SH3GL3: variants seen among roughly 807,000 people sequenced by gnomAD.
SH3GL3 encodes the protein SH3 domain containing GRB2 like 3, endophilin A3, also known as endophilin-A3.
SH3GL3 carries 33 observed loss-of-function variants against 47.7 expected under a neutral mutation model. That is an observed-to-expected ratio of 0.69 (90% CI 0.52 to 0.92). SH3GL3 has a LOEUF of 0.92. SH3GL3 is among the 40% of genes least tolerant of loss of function. The pLI, the probability that SH3GL3 is intolerant of heterozygous loss-of-function variation, is 0.00. For missense variants in SH3GL3, 363 were observed against 417.8 expected, an observed-to-expected ratio of 0.87 and a Z score of 1.14; for synonymous variants, 155 against 148.8, an observed-to-expected ratio of 1.04 and a Z score of -0.30.
intron 1 of SH3GL3, among the ~76,000 whole-genome samples, chr15:83,477,501 T>C (rs1358854920): frequency 1.3e-5 from 2 of 152,220 alleles, no homozygotes; most frequent in Non-Finnish European, 2.9e-5. Context: ...ATTTGTGAGC[T>C]GTGTTCTGAG....
chr15:83,569,889 A>G (rs1229535518), intron 4 of SH3GL3, among the ~76,000 whole-genome samples: 1 of 152,124 alleles, frequency 6.6e-6, no homozygotes, highest in African/African-American at 2.4e-5. Flanking sequence ...AGCTCTTTAA[A>G]TGGTCAGGAT....
At chr15:83,501,718 C>A (rs759853528) in intron 1 of SH3GL3, among the ~76,000 whole-genome samples, 77 of 152,014 alleles carry the variant, frequency 5.1e-4, no homozygotes, top group Non-Finnish European at 7.5e-4. Flanking sequence ...ATGGTGAAAC[C>A]CTGTTTCTAC....
At chr15:83,459,363 C>CT (rs2151502753) in intron 1 of SH3GL3, among the ~76,000 whole-genome samples, 1 of 152,276 alleles carries the variant, frequency 6.6e-6, no homozygotes, top group African/African-American at 2.4e-5. Context: ...AGTTGACACT[C>CT]AACGTTAGCC....
intron 1 of SH3GL3, among the ~76,000 whole-genome samples, chr15:83,534,044 T>A (rs1025807472): frequency 6.6e-6 from 1 of 152,206 alleles, no homozygotes; most frequent in African/African-American, 2.4e-5. Flanking sequence ...TGTTTCAATA[T>A]GTTCCCATAG....
chr15:83,505,265 C>T lies in SH3GL3; in HGVS notation c.46-53988C>T, dbSNP rs1167567923. The stretch of plus-strand genomic sequence containing the variant: ...AGTGCACTCGCTGGCTAAAGGACAT[C>T]GGCATCTTCACTTTTTCTTTAACAT... On this transcript the variant is annotated intron_variant, in intron 1 of 8. Transcript: ENST00000427482. Among the ~76,000 whole-genome samples, 3 of 152,082 alleles carry T rather than the reference C, an allele frequency of 2.0e-5. No homozygotes were observed. The East Asian group carries it at 5.8e-4, about 29-fold the overall frequency.
intron 1 of SH3GL3, among the ~76,000 whole-genome samples, chr15:83,535,094 G>C (rs959766636): frequency 7.2e-6 from 1 of 139,504 alleles, no homozygotes; most frequent in Non-Finnish European, 1.6e-5. Context: ...TACCATCTAT[G>C]TAAAAAAAAG....
At chr15:83,466,583 A>G (rs1189652891) in intron 1 of SH3GL3, among the ~76,000 whole-genome samples, 4 of 152,180 alleles carry the variant, frequency 2.6e-5, no homozygotes, top group Non-Finnish European at 5.9e-5. Flanking sequence ...TATCAAGGGG[A>G]AAGGCATGCT....
chr15:83,521,515 G>A (rs1047596905), intron 1 of SH3GL3, among the ~76,000 whole-genome samples: 4 of 152,102 alleles, frequency 2.6e-5, no homozygotes, highest in Non-Finnish European at 5.9e-5. Context: ...TGCTTTACCC[G>A]CTGCTGGAAG....
chr15:83,486,238 T>G (rs1209972266), intron 1 of SH3GL3, among the ~76,000 whole-genome samples: 1 of 152,252 alleles, frequency 6.6e-6, no homozygotes, highest in Non-Finnish European at 1.5e-5. Flanking sequence ...CTGCTTTTTT[T>G]TAAATTCAAA....
At position 83,583,442 on chromosome 15, in the gene SH3GL3, T is replaced by G. The variant is rs568663216; in HGVS notation, c.625-3541T>G. Reference sequence around the variant, plus strand: ...TTACAGTATGCAGTCCTTTGAGCCATTCTTCCTTTGGGTACAGCCTAAGCC... The same window carrying G: ...TTACAGTATGCAGTCCTTTGAGCCAGTCTTCCTTTGGGTACAGCCTAAGCC... On this transcript the variant is annotated intron_variant, in intron 6 of 8. Transcript: ENST00000427482. Among the ~76,000 whole-genome samples, 3 of 152,206 alleles carry G rather than the reference T, an allele frequency of 2.0e-5. No homozygotes were observed. In the East Asian group the frequency reaches 5.8e-4, roughly 29 times the overall value.
intron 1 of SH3GL3, among the ~76,000 whole-genome samples, chr15:83,491,652 G>T (rs72760317): frequency 6.6e-6 from 1 of 152,300 alleles, no homozygotes; most frequent in Non-Finnish European, 1.5e-5. Context: ...GTAAGGAGTG[G>T]AAGAATCGAT....
rs1233219502 is a variant in SH3GL3, at chr15:83,448,895, G to A, written c.45+1317G>A. On this transcript the variant is annotated intron_variant, in intron 1 of 8. Coordinates refer to ENST00000427482, the MANE Select transcript of SH3GL3 (RefSeq NM_003027.5). The surrounding 1 kb of genome is among the most constrained non-coding windows in gnomAD (Gnocchi z 4.2). ...GGAGCCCTGGAGGAGAGGCTATTCA[G>A]GTGAGGGTGGAGATGATGGATTCAC... Among the ~76,000 whole-genome samples the A allele has an allele frequency of 6.6e-6, 1 of 152,116 alleles. No individual in the cohort carries two copies. The highest frequency in any genetic ancestry group is 1.5e-5 in the Non-Finnish European group (1 of 68,018).
intron 6 of SH3GL3, 135 bp from the exon 7 acceptor site, chr15:83,586,848 A>G: frequency 2.0e-6 from 1 of 498,390 alleles, no homozygotes; most frequent in Non-Finnish European, 3.6e-6. Context: ...GAGCTCCTAC[A>G]TGAAATTAAA....
chr15:83,595,486 T>A (rs2060213536), intron 8 of SH3GL3, among the ~76,000 whole-genome samples: 1 of 150,266 alleles, frequency 6.7e-6, no homozygotes, highest in South Asian at 2.1e-4. Context: ...AACCTGTGCA[T>A]GTACCCCTGA....
intron 1 of SH3GL3, among the ~76,000 whole-genome samples, chr15:83,501,532 C>A (rs1162258984): frequency 6.6e-6 from 1 of 152,150 alleles, no homozygotes; most frequent in South Asian, 2.1e-4. Flanking sequence ...TATTCAATTT[C>A]GTGTTTGGGT....
rs767755603 is a variant in SH3GL3 at position 83,447,513 on chromosome 15, C to T, written c.-21C>T. 3 of 1,498,212 alleles carry T rather than the reference C, an allele frequency of 2.0e-6. No homozygotes were observed. The highest frequency in any genetic ancestry group is 2.2e-5 in the Admixed American group (1 of 44,522). 92.8% of individuals were successfully genotyped at this position (1,498,212 alleles called of 1,614,324 possible). On this transcript the variant is annotated 5_prime_UTR_variant, in exon 1 of 9. Transcript: ENST00000427482. The surrounding 1 kb of genome is among the most constrained non-coding windows in gnomAD (Gnocchi z 5.1). ...CCAGCCGAGCCTTGAGACCACCCCG[C>T]CCCTGCCGGTCGCAGTCGCGATGTC... is the stretch of plus-strand genomic sequence containing the variant.
intron 8 of SH3GL3, among the ~76,000 whole-genome samples, chr15:83,610,112 T>C (rs1163963278): frequency 6.6e-6 from 1 of 152,146 alleles, no homozygotes. Context: ...GCGTAGGATT[T>C]AGGTAGAGAA....
chr15:83,530,596 G>A (rs978079123), intron 1 of SH3GL3, among the ~76,000 whole-genome samples: 11 of 151,184 alleles, frequency 7.3e-5, no homozygotes, highest in South Asian at 2.1e-4. Flanking sequence ...GAACCTCCCC[G>A]GCCCCTCCTC....
chr15:83,548,642 C>T (rs1025936602), intron 1 of SH3GL3, among the ~76,000 whole-genome samples: 2 of 152,028 alleles, frequency 1.3e-5, no homozygotes, highest in Non-Finnish European at 2.9e-5. Flanking sequence ...TTTGTAGCTC[C>T]TTGATTTCTC....
Sources: allele counts gnomAD v4.1 joint callset (sites outside exome capture counted in the v4.1 genomes callset), GRCh38; gene constraint gnomAD v4.1.1; non-coding constraint Gnocchi (gnomAD v3.1); transcripts MANE v1.5; gene names NCBI Gene and HGNC (gene_info 2026-07-23, HGNC 2026-07-21).